POLI: variants seen among roughly 807,000 people sequenced by gnomAD.
POLI encodes DNA polymerase iota.
Under a neutral mutation model 51.6 loss-of-function variants are expected in POLI, and 58 were observed. The ratio of observed to expected loss-of-function variants is 1.12; its 90% CI spans 0.91 to 1.40. The LOEUF (loss-of-function observed/expected upper bound fraction) is 1.40, where lower values mean the gene tolerates loss of function less well. POLI is among the 40% of genes most tolerant of loss of function. The probability of loss-of-function intolerance (pLI) is 0.00; values close to 1 mark genes in which losing one functional copy is unlikely to be tolerated. For synonymous variants in POLI, 322 were observed against 299.7 expected (o/e 1.07, Z -0.77); for missense variants, 921 against 871.3 (o/e 1.06, Z -0.72).
intron 3 of POLI, among the ~76,000 whole-genome samples, chr18:54,318,094 A>G (rs2088756833): frequency 6.6e-6 from 1 of 152,158 alleles, no homozygotes; most frequent in African/African-American, 2.4e-5. Context: ...AAGCTAGCTC[A>G]CAGTTCTGAG....
chr18:54,295,512 C>G lies in POLI; in HGVS notation c.*1045C>G, dbSNP rs2088278851. On this transcript the variant is annotated 3_prime_UTR_variant, in exon 10 of 10. Transcript: ENST00000579534. ...CACCAATATGGGAGTATCCTGGTCT[C>G]AAGTTTATAATTTTTGCACATATAA... 6 of 933,544 alleles carry G rather than the reference C, an allele frequency of 6.4e-6. No homozygotes were observed. The highest frequency in any genetic ancestry group is 7.7e-6 in the Non-Finnish European group (6 of 782,788). The allele number at this position is 933,544 out of a possible 1,614,324, so 57.8% of individuals were successfully genotyped here.
intron 1 of POLI, chr18:54,269,915 C>G: frequency 8.2e-7 from 1 of 1,217,996 alleles, no homozygotes; most frequent in South Asian, 3.5e-5. Flanking sequence ...GCCGTCCTTT[C>G]CTCTGTGAGG....
intron 3 of POLI, among the ~76,000 whole-genome samples, chr18:54,316,866 G>T (rs1042837515): frequency 6.6e-6 from 1 of 152,148 alleles, no homozygotes; most frequent in African/African-American, 2.4e-5. Flanking sequence ...GCACTTAACT[G>T]CATTAGATTA....
rs768997528 is a variant in POLI, at chr18:54,283,956, C to A, written c.1010C>A (p.Ser337Ter). The change falls in exon 7 of 10, where the codon TCA becomes TAA. Residue 337 changes from serine (S) to a stop codon, truncating the protein, a stop_gained. Transcript: ENST00000579534. LOFTEE classifies it high-confidence loss of function. ...GAAGAAGATTCATTTAAAAAATGTT[C>A]ATCTGAAGTTGAAGCTAAAAATAAG... is the stretch of plus-strand genomic sequence containing the variant. The part of the protein sequence containing the change: ...FSEEDSFKKC[S>*]SEVEAKNKIE... 2 of 1,455,958 alleles carry A rather than the reference C, an allele frequency of 1.4e-6. No individual in the cohort carries two copies. The highest frequency in any genetic ancestry group is 1.4e-5 in the African/African-American group (1 of 71,460). The allele number at this position is 1,455,958 out of a possible 1,614,324, so 90.2% of individuals were successfully genotyped here.
chr18:54,284,027 C>T lies in POLI; in HGVS notation c.1067+14C>T, dbSNP rs771440842. On this transcript the variant is annotated intron_variant, in intron 7 of 9. Coordinates refer to ENST00000579534, the MANE Select transcript of POLI (RefSeq NM_007195.3). ...TCTTTTAAACAGGTGATTTTCAATC[C>T]ATTTTGCCAAGTCATCCTATGTATT... 1 of 1,126,174 alleles carries T rather than the reference C, an allele frequency of 8.9e-7. No individual in the cohort carries two copies. Among genetic ancestry groups the T allele is most frequent in the Admixed American group, 2.1e-5 (1 of 46,524 alleles). 69.8% of individuals were successfully genotyped at this position (1,126,174 alleles called of 1,614,324 possible).
chr18:54,272,360 A>C (rs1007675731), intron 2 of POLI: 1 of 152,228 alleles, frequency 6.6e-6, no homozygotes, highest in African/African-American at 2.4e-5. Flanking sequence ...GATGTTCTGT[A>C]GATAATGCTT....
At chr18:54,298,423 A>G (rs1415586106), downstream of POLI, among the ~76,000 whole-genome samples, 1 of 152,006 alleles carries the variant, frequency 6.6e-6, no homozygotes, top group East Asian at 1.9e-4. Context: ...TCATCTTTTT[A>G]GCATTAGCTG....
downstream of POLI, among the ~76,000 whole-genome samples, chr18:54,298,931 C>G (rs542602469): frequency 8.0e-4 from 121 of 152,112 alleles, no homozygotes; most frequent in South Asian, 6.4e-3. Flanking sequence ...TATTATGGCC[C>G]CAAAGTGATC....
chr18:54,304,121 T>C (rs1018437385), intron 3 of POLI, among the ~76,000 whole-genome samples: 2 of 152,176 alleles, frequency 1.3e-5, no homozygotes, highest in African/African-American at 4.8e-5. Context: ...TAGTATTCCA[T>C]GGTATATATG....
At chr18:54,303,028 C>T (rs2088518430), downstream of POLI, among the ~76,000 whole-genome samples, 2 of 152,196 alleles carry the variant, frequency 1.3e-5, no homozygotes, top group Admixed American at 1.3e-4. Flanking sequence ...TGTGGGTTAT[C>T]AGCTTGTGGA....
rs965679908 is a variant in POLI at position 54,312,995 on chromosome 18, C to G, written c.334-7278C>G. 1.8e-4 allele frequency among the ~76,000 whole-genome samples: 28 copies of G among 152,054 alleles called. 1 individual carries two copies. The highest frequency in any genetic ancestry group is 6.8e-4 in the African/African-American group (28 of 41,390). On this transcript the variant is annotated intron_variant, in intron 3 of 4. Transcript: ENST00000579823. The stretch of plus-strand genomic sequence containing the variant: ...TCAATTTTTGTTTTCATTGTAATTG[C>G]TTTTGAGGACTTAGCCATAAACTCT...
At chr18:54,288,689 C>G (rs2087859483) in intron 8 of POLI, among the ~76,000 whole-genome samples, 1 of 151,586 alleles carries the variant, frequency 6.6e-6, no homozygotes, top group Non-Finnish European at 1.5e-5. Flanking sequence ...ATTGAGCTGC[C>G]TGTAAGTTCT....
intron 3 of POLI, among the ~76,000 whole-genome samples, chr18:54,305,241 G>A (rs1027987796): frequency 6.6e-6 from 1 of 152,266 alleles, no homozygotes; most frequent in Admixed American, 6.5e-5. Flanking sequence ...TCTTGGCTGT[G>A]TGGGCTCTTT....
intron 3 of POLI, among the ~76,000 whole-genome samples, chr18:54,276,030 A>C (rs1293349932): frequency 6.7e-6 from 1 of 150,236 alleles, no homozygotes; most frequent in Non-Finnish European, 1.5e-5. Context: ...CTATATAATT[A>C]TATGTTTAAT....
At chr18:54,285,621 A>T (rs1250951892) in intron 7 of POLI, among the ~76,000 whole-genome samples, 3 of 151,886 alleles carry the variant, frequency 2.0e-5, no homozygotes, top group Admixed American at 6.6e-5. Flanking sequence ...GTATGTAAGA[A>T]ATGTAAAACC....
chr18:54,310,549 A>G (rs947610532), intron 3 of POLI, among the ~76,000 whole-genome samples: 2 of 151,192 alleles, frequency 1.3e-5, no homozygotes, highest in Admixed American at 1.3e-4. Flanking sequence ...AAATTGATTC[A>G]TGTTAACAAT....
chr18:54,303,119 G>A (rs546459889), downstream of POLI, among the ~76,000 whole-genome samples: 20 of 152,256 alleles, frequency 1.3e-4, no homozygotes, highest in African/African-American at 3.9e-4. Context: ...GCATTTAATG[G>A]TTCCAATGTA....
intron 3 of POLI, among the ~76,000 whole-genome samples, chr18:54,317,425 A>G (rs1787828): frequency 0.6 from 90,786 of 151,706 alleles, 28,391 homozygotes; most frequent in Middle Eastern, 0.72. Flanking sequence ...CAATAAAGCA[A>G]CTTCATTATT....
chr18:54,289,459 C>T (rs747569282), intron 8 of POLI, among the ~76,000 whole-genome samples: 1 of 152,030 alleles, frequency 6.6e-6, no homozygotes, highest in Non-Finnish European at 1.5e-5. Flanking sequence ...ACTTTCTTCA[C>T]AGAATTGGAA....
Sources: allele counts gnomAD v4.1 joint callset (sites outside exome capture counted in the v4.1 genomes callset), GRCh38; gene constraint gnomAD v4.1.1; transcripts MANE v1.5; gene names NCBI Gene and HGNC (gene_info 2026-07-23, HGNC 2026-07-21).